The following WDFY4 variants were observed in gnomAD, a reference collection of about 807,000 sequenced individuals.
WDFY4 encodes WD repeat- and FYVE domain-containing protein 4.
In WDFY4, 169 loss-of-function variants were observed where a neutral mutation model predicts 351.9. The observed-to-expected ratio is 0.48, with a 90% confidence interval of 0.42 to 0.55. The LOEUF (loss-of-function observed/expected upper bound fraction) is 0.55. WDFY4 is among the 20% of genes least tolerant of loss of function. The pLI is 0.00. For synonymous variants in WDFY4, 1,622 were observed against 1,574.6 expected (o/e 1.03, Z -0.71); for missense variants, 3,803 against 3,935.6 (o/e 0.97, Z 0.90).
rs2066165229 is a variant in WDFY4, at chr10:48,779,987, G to A, written c.3444G>A (p.Gln1148=). Residue 1148 remains glutamine (Q), a synonymous_variant, in exon 19 of 62, where the codon CAG becomes CAA. Transcript: ENST00000325239. ...ACTCCGAGCCTTCTGCAGGATGCCA[G>A]CTTCAGGTCAGGTGTGGCCAGCTCC... ...EDDSEPSAGC[Q]LQVRCGQLLA... 6.4e-7 allele frequency: 1 copy of A among 1,551,832 alleles called. No individual in the cohort carries two copies. Among genetic ancestry groups the A allele is most frequent in the Non-Finnish European group, 8.7e-7 (1 of 1,147,024 alleles).
chr10:48,974,841 C>G (rs940804951), intron 57 of WDFY4, 21 bp from the exon 58 acceptor site: 46 of 1,520,392 alleles, frequency 3.0e-5, no homozygotes, highest in Non-Finnish European at 4.1e-5. Flanking sequence ...CCTCTCCTAA[C>G]CTGTGAGTCT....
chr10:48,976,972 T>C lies in WDFY4; in HGVS notation c.9284T>C (p.Met3095Thr). ...QIIITGSQDG[M>T]VRVWKTEDVK... ...ATCATCACCGGGAGTCAAGACGGCATGGTCCGGGTAGGTGTGTCTTGGGCA... is the reference window on the plus strand; with the variant it reads ...ATCATCACCGGGAGTCAAGACGGCACGGTCCGGGTAGGTGTGTCTTGGGCA... Residue 3095 changes from methionine (M) to threonine (T), a missense_variant, in exon 59 of 62, where the codon ATG becomes ACG. Physicochemically the swap from Met to Thr is moderately conservative, Grantham distance 81 (BLOSUM62 -1). Coordinates refer to ENST00000325239, the MANE Select transcript of WDFY4 (RefSeq NM_001394531.1). The C allele has an allele frequency of 1.4e-6, 2 of 1,466,282 alleles. No homozygotes were observed. The highest frequency in any genetic ancestry group is 1.8e-6 in the Non-Finnish European group (2 of 1,099,410). 90.8% of individuals were successfully genotyped at this position (1,466,282 alleles called of 1,614,324 possible). A position where few individuals can be genotyped will look rare whatever the true frequency, so the allele number is the denominator to read the frequency against.
chr10:48,826,612 A>G (rs2068020326), intron 35 of WDFY4, 59 bp from the exon 36 acceptor site: 2 of 1,308,536 alleles, frequency 1.5e-6, no homozygotes, highest in African/African-American at 1.5e-5. Flanking sequence ...CTGGATCTGT[A>G]TCTAAAATTG....
intron 13 of WDFY4, among the ~76,000 whole-genome samples, chr10:48,760,809 C>T (rs2065479824): frequency 6.6e-6 from 1 of 152,200 alleles, no homozygotes; most frequent in Non-Finnish European, 1.5e-5. Context: ...CATCTCTCTC[C>T]TGGATGCTGG....
chr10:48,906,703 C>A (rs1837633010), intron 47 of WDFY4, among the ~76,000 whole-genome samples: 1 of 152,218 alleles, frequency 6.6e-6, no homozygotes, highest in Non-Finnish European at 1.5e-5. Context: ...AAACACACAT[C>A]CTCACACTTA....
At chr10:48,760,512 A>G (rs1403473337) in intron 13 of WDFY4, 72 bp downstream of exon 13, 5 of 1,473,942 alleles carry the variant, frequency 3.4e-6, no homozygotes, top group East Asian at 2.5e-5. Flanking sequence ...CTGACCCAAG[A>G]CAGCTTTTTT....
chr10:48,805,805 G>GT lies in WDFY4; in HGVS notation c.4647-198dup, dbSNP rs1205922563. ...TTCCTGTCACTATCTAATTGATCAG[G>GT]TAGAGCCAGAGTTAGCGTCTCTGGT... On this transcript the variant is annotated intron_variant, in intron 26 of 61. Coordinates refer to ENST00000325239, the MANE Select transcript of WDFY4 (RefSeq NM_001394531.1). Among the ~76,000 whole-genome samples, 91 of 152,300 alleles carry GT rather than the reference G, an allele frequency of 6.0e-4. 1 individual carries two copies. The highest frequency in any genetic ancestry group is 2.3e-3 in the East Asian group (12 of 5,174).
At chr10:48,920,644 T>G (rs761368836) in intron 47 of WDFY4, among the ~76,000 whole-genome samples, 2 of 152,206 alleles carry the variant, frequency 1.3e-5, no homozygotes, top group African/African-American at 2.4e-5. Flanking sequence ...CTGTTCAGTA[T>G]TACTTTGGAA....
intron 28 of WDFY4, 83 bp from the exon 29 acceptor site, chr10:48,810,447 G>C: frequency 7.4e-7 from 1 of 1,360,026 alleles, no homozygotes; most frequent in Non-Finnish European, 9.9e-7. Context: ...TTGGTGACTT[G>C]TAAGGCTGGA....
chr10:48,960,671 C>T (rs926791527), intron 53 of WDFY4, among the ~76,000 whole-genome samples: 3 of 152,204 alleles, frequency 2.0e-5, no homozygotes, highest in African/African-American at 7.2e-5. Flanking sequence ...AAATGTCCAT[C>T]AGCTGGTGAA....
chr10:48,882,849 A>G (rs765784544), intron 43 of WDFY4, among the ~76,000 whole-genome samples: 6 of 152,220 alleles, frequency 3.9e-5, no homozygotes, highest in East Asian at 1.9e-4. Context: ...TTAAGGCCAC[A>G]TGAGATTTGG....
chr10:48,879,836 G>C (rs1325571229), intron 43 of WDFY4, among the ~76,000 whole-genome samples: 1 of 152,088 alleles, frequency 6.6e-6, no homozygotes, highest in Non-Finnish European at 1.5e-5. Context: ...CCTGCAGTGG[G>C]TGGTACCCTT....
chr10:48,828,446 G>A (rs928252284), intron 36 of WDFY4, among the ~76,000 whole-genome samples: 1 of 152,164 alleles, frequency 6.6e-6, no homozygotes, highest in Non-Finnish European at 1.5e-5. Context: ...ACAAAGGCAG[G>A]GTTCAATTCT....
At chr10:48,943,269 C>A (rs1840875090) in intron 48 of WDFY4, 61 bp from the exon 49 acceptor site, 1 of 1,536,746 alleles carries the variant, frequency 6.5e-7, no homozygotes, top group African/African-American at 1.4e-5. Flanking sequence ...AGGGTGGGAC[C>A]CATGGCTTTG....
rs372539984 is a variant in WDFY4 at position 48,729,570 on chromosome 10, G to A, written c.1110G>A (p.Lys370=). The A allele has an allele frequency of 9.7e-6, 15 of 1,551,724 alleles. No individual in the cohort carries two copies. In the East Asian group the frequency reaches 3.4e-4, roughly 35 times the overall value. ...CTTACCCTCAGCTTGAAGGCTTCAA[G>A]TTCCATCATGAGGCATCTGGTGAGT... ...SITYPQLEGF[K]FHHEASGVTV... The change falls in exon 8 of 62, where the codon AAG becomes AAA. Residue 370 remains lysine, a synonymous_variant. Transcript: ENST00000325239.
intron 39 of WDFY4, among the ~76,000 whole-genome samples, chr10:48,844,420 C>T (rs933492988): frequency 6.6e-6 from 1 of 152,046 alleles, no homozygotes. Flanking sequence ...GATGAAACCC[C>T]GTCTCTACTA....
At chr10:48,766,825 G>A (rs1410805982) in intron 13 of WDFY4, among the ~76,000 whole-genome samples, 1 of 152,108 alleles carries the variant, frequency 6.6e-6, no homozygotes, top group African/African-American at 2.4e-5. Context: ...ATTTGGCCTG[G>A]ATCACAGAGA....
At chr10:48,923,293 A>G (rs1839260496) in intron 47 of WDFY4, among the ~76,000 whole-genome samples, 1 of 151,916 alleles carries the variant, frequency 6.6e-6, no homozygotes, top group Non-Finnish European at 1.5e-5. Context: ...AGATGTTCGC[A>G]AGCTGGCATG....
At chr10:48,861,322 C>G (rs1316339413) in intron 39 of WDFY4, among the ~76,000 whole-genome samples, 1 of 152,102 alleles carries the variant, frequency 6.6e-6, no homozygotes, top group Non-Finnish European at 1.5e-5. Context: ...AAGATTCCTT[C>G]TTTTATCATT....
Sources: allele counts gnomAD v4.1 joint callset (sites outside exome capture counted in the v4.1 genomes callset), GRCh38; gene constraint gnomAD v4.1.1; transcripts MANE v1.5; gene names NCBI Gene and HGNC (gene_info 2026-07-23, HGNC 2026-07-21).